Variants in GALNT7 observed in about 807,000 individuals in gnomAD.
GALNT7 encodes the protein polypeptide N-acetylgalactosaminyltransferase 7.
Under a neutral mutation model 82.1 loss-of-function variants are expected in GALNT7, and 60 were observed. That is an observed-to-expected ratio of 0.73 (90% CI 0.59 to 0.91). GALNT7 has a LOEUF of 0.91. GALNT7 is among the 40% of genes least tolerant of loss of function. The pLI is 0.00. For synonymous variants in GALNT7, 243 were observed against 275.1 expected (o/e 0.88, Z 1.15); for missense variants, 660 against 804.2 (o/e 0.82, Z 2.17).
Position 173,178,007 on chromosome 4 carries a change from CTGTGTGTGTGTG to C in GALNT7, c.126+9081_126+9092del, listed in dbSNP as rs70944437. ...TTTCCACCTCTCCCTATCCGCAAGT[CTGTGTGTGTGTG>C]TGTGTGTGTGTGTGTGTGTGTGTGT... On this transcript the variant is annotated intron_variant, in intron 1 of 11. Coordinates refer to ENST00000265000, the MANE Select transcript of GALNT7 (RefSeq NM_017423.3). 5.4e-3 allele frequency among the ~76,000 whole-genome samples: 739 copies of C among 137,770 alleles called. 9 individuals carry two copies. Among genetic ancestry groups the C allele is most frequent in the African/African-American group, 0.014 (492 of 36,026 alleles). 90.4% of individuals were successfully genotyped at this position (137,770 alleles called of 152,430 possible). A position where few individuals can be genotyped will look rare whatever the true frequency, so the allele number is the denominator to read the frequency against.
chr4:173,262,538 G>T (rs926099925), intron 2 of GALNT7, among the ~76,000 whole-genome samples: 1 of 151,978 alleles, frequency 6.6e-6, no homozygotes, highest in Non-Finnish European at 1.5e-5. Flanking sequence ...TCTTAGTTTC[G>T]CCTGAGAGCT....
intron 10 of GALNT7, among the ~76,000 whole-genome samples, chr4:173,318,201 C>T (rs1294712090): frequency 6.6e-6 from 1 of 152,000 alleles, no homozygotes; most frequent in Non-Finnish European, 1.5e-5. Context: ...GTGTTAGTGA[C>T]CCATTTGGTA....
intron 1 of GALNT7, among the ~76,000 whole-genome samples, chr4:173,180,884 T>C (rs752240928): frequency 6.6e-6 from 1 of 152,240 alleles, no homozygotes; most frequent in Admixed American, 6.5e-5. Context: ...AGATTTAATC[T>C]TTTAATCTCA....
At chr4:173,175,794 C>T (rs1261189548) in intron 1 of GALNT7, among the ~76,000 whole-genome samples, 1 of 152,138 alleles carries the variant, frequency 6.6e-6, no homozygotes, top group Non-Finnish European at 1.5e-5. Context: ...GAATGGGAGG[C>T]TGGTGCGGTG....
chr4:173,300,179 T>C (rs557169016), intron 6 of GALNT7, among the ~76,000 whole-genome samples: 1 of 152,242 alleles, frequency 6.6e-6, no homozygotes, highest in African/African-American at 2.4e-5. Flanking sequence ...GATAACTGCA[T>C]AAATAACCCT....
chr4:173,228,665 C>T (rs1028226746), intron 1 of GALNT7, among the ~76,000 whole-genome samples: 24 of 152,152 alleles, frequency 1.6e-4, no homozygotes, highest in Admixed American at 8.5e-4. Context: ...TTTTGATACT[C>T]ACAGCCAGAT....
chr4:173,194,802 A>G (rs1486372442), intron 1 of GALNT7, among the ~76,000 whole-genome samples: 1 of 151,578 alleles, frequency 6.6e-6, no homozygotes, highest in African/African-American at 2.4e-5. Flanking sequence ...CCCCCACCCC[A>G]CAACAGGCCC....
intron 5 of GALNT7, 32 bp from the exon 6 acceptor site, chr4:173,298,083 A>G (rs748310128): frequency 6.2e-7 from 1 of 1,610,518 alleles, no homozygotes; most frequent in Non-Finnish European, 8.5e-7. Flanking sequence ...ATACGCTTCC[A>G]TTTGATCTTT....
At chr4:173,178,329 G>A (rs919592872) in intron 1 of GALNT7, among the ~76,000 whole-genome samples, 6 of 151,944 alleles carry the variant, frequency 3.9e-5, no homozygotes, top group Admixed American at 2.6e-4. Flanking sequence ...TATTCTCAGC[G>A]TAGAGAAAAT....
At chr4:173,252,450 C>T (rs1483119042) in intron 2 of GALNT7, among the ~76,000 whole-genome samples, 2 of 152,196 alleles carry the variant, frequency 1.3e-5, no homozygotes, top group African/African-American at 4.8e-5. Flanking sequence ...GTTCTTGCGG[C>T]TGTTGTGTAG....
chr4:173,207,039 A>G (rs745904938), intron 1 of GALNT7, among the ~76,000 whole-genome samples: 6 of 152,212 alleles, frequency 3.9e-5, no homozygotes, highest in Admixed American at 2.6e-4. Context: ...TTACCATCCA[A>G]CAAGCGGACT....
intron 2 of GALNT7, among the ~76,000 whole-genome samples, chr4:173,268,920 A>G (rs1281882468): frequency 6.6e-6 from 1 of 152,074 alleles, no homozygotes; most frequent in Admixed American, 6.6e-5. Flanking sequence ...TGCAATCCAC[A>G]TTTGTGGACG....
chr4:173,208,525 C>CT (rs1322186847), intron 1 of GALNT7, among the ~76,000 whole-genome samples: 1 of 152,180 alleles, frequency 6.6e-6, no homozygotes, highest in African/African-American at 2.4e-5. Context: ...TTTATCCCTT[C>CT]TTACCCCCTC....
chr4:173,169,846 T>G (rs1421889305), intron 1 of GALNT7, among the ~76,000 whole-genome samples: 1 of 151,652 alleles, frequency 6.6e-6, no homozygotes, highest in Non-Finnish European at 1.5e-5. Flanking sequence ...AAAACTAACT[T>G]GTGTCGGCGC....
intron 1 of GALNT7, among the ~76,000 whole-genome samples, chr4:173,183,749 C>T (rs1732357625): frequency 6.7e-6 from 1 of 148,718 alleles, no homozygotes; most frequent in Non-Finnish European, 1.5e-5. Context: ...CTGCCCCCCA[C>T]CTCCCGGACG....
chr4:173,292,224 C>A lies in GALNT7; in HGVS notation c.704C>A (p.Pro235Gln). 1 of 1,579,302 alleles carries A rather than the reference C, an allele frequency of 6.3e-7. No homozygotes were observed. The highest frequency in any genetic ancestry group is 1.2e-5 in the South Asian group (1 of 84,422). Residue 235 changes from proline to glutamine, a missense_variant, in exon 3 of 12, where the codon CCA becomes CAA. Coordinates refer to ENST00000265000, the MANE Select transcript of GALNT7 (RefSeq NM_017423.3). This position sits in a 1 kb window ranked among gnomAD's most constrained non-coding sequence, Gnocchi z 4.8. ...RTVHSVIKRT[P>Q]RKYLAEIVLI... ...GTCCACAGTGTAATTAAAAGGACTC[C>A]AAGGAAATATTTAGCAGAAATTGTG...
chr4:173,263,195 GA>G (rs60232098), intron 2 of GALNT7, among the ~76,000 whole-genome samples: 10,939 of 152,234 alleles, frequency 0.072, 803 homozygotes, highest in African/African-American at 0.19. Flanking sequence ...ATCATACTTT[GA>G]AAAAGCCGCT....
At chr4:173,250,787 A>T (rs550684884) in intron 2 of GALNT7, among the ~76,000 whole-genome samples, 1 of 152,118 alleles carries the variant, frequency 6.6e-6, no homozygotes. Context: ...TCTTCTTGCT[A>T]CTATACTTCT....
At chr4:173,249,574 A>G (rs1734779791) in intron 2 of GALNT7, among the ~76,000 whole-genome samples, 1 of 152,192 alleles carries the variant, frequency 6.6e-6, no homozygotes, top group Admixed American at 6.5e-5. Context: ...TCTTAGAGTA[A>G]TTTATTCCCA....
Sources: gnomAD v4.1 joint callset for allele counts (sites outside exome capture counted in the v4.1 genomes callset) on GRCh38, gnomAD v4.1.1 for gene constraint, Gnocchi (gnomAD v3.1) non-coding constraint, MANE v1.5 for transcripts, NCBI Gene and HGNC (gene_info 2026-07-23, HGNC 2026-07-21) for gene names.